DOCK3: variants seen among roughly 807,000 people sequenced by gnomAD.
DOCK3 encodes the protein dedicator of cytokinesis protein 3.
Under a neutral mutation model 265.6 loss-of-function variants are expected in DOCK3, and 60 were observed. The observed-to-expected ratio is 0.23, with a 90% CI of 0.18 to 0.28. The LOEUF (loss-of-function observed/expected upper bound fraction) is 0.28, where lower values mean the gene tolerates loss of function less well. Among genes scored for constraint, DOCK3 ranks in the 10% least tolerant of loss-of-function variants. The pLI is 1.00. For synonymous variants in DOCK3, 881 were observed against 938.0 expected (o/e 0.94, Z 1.11); for missense variants, 1,981 against 2,594.3 (o/e 0.76, Z 5.14).
At chr3:50,705,354 T>C (rs1050821930) in intron 1 of DOCK3, among the ~76,000 whole-genome samples, 1 of 152,102 alleles carries the variant, frequency 6.6e-6, no homozygotes, top group Non-Finnish European at 1.5e-5. Flanking sequence ...CCTGGGGCAG[T>C]TCCCCCTGTG....
At chr3:51,263,663 A>G (rs1037943551) in intron 23 of DOCK3, among the ~76,000 whole-genome samples, 1 of 152,234 alleles carries the variant, frequency 6.6e-6, no homozygotes, top group Non-Finnish European at 1.5e-5. Context: ...AGTGTGTTGT[A>G]TTCAGGAGAC....
At position 51,310,340 on chromosome 3, in the gene DOCK3, G is replaced by T. The variant is rs1431258692; in HGVS notation, c.3017+14G>T. The T allele has an allele frequency of 6.4e-7, 1 of 1,572,900 alleles. No homozygotes were observed. ...GCTCACAAGCAAGTAAGTATGGAAGGGCTCTGTATCAGCATCACTGAGCTG... is the reference window on the plus strand; with the variant it reads ...GCTCACAAGCAAGTAAGTATGGAAGTGCTCTGTATCAGCATCACTGAGCTG... On this transcript the variant is annotated intron_variant, in intron 28 of 52. Transcript: ENST00000266037.
At chr3:51,354,612 C>G (rs959752763) in intron 40 of DOCK3, among the ~76,000 whole-genome samples, 4 of 152,170 alleles carry the variant, frequency 2.6e-5, no homozygotes, top group African/African-American at 4.8e-5. Context: ...TCCCATCTCC[C>G]ACCTTGCTCT....
At chr3:50,770,247 G>A (rs2041191503) in intron 1 of DOCK3, among the ~76,000 whole-genome samples, 1 of 152,128 alleles carries the variant, frequency 6.6e-6, no homozygotes, top group South Asian at 2.1e-4. Context: ...GATAAATTCG[G>A]TAAAGTTGCA....
chr3:50,791,595 T>C (rs2042481915), intron 2 of DOCK3, among the ~76,000 whole-genome samples: 1 of 152,064 alleles, frequency 6.6e-6, no homozygotes, highest in African/African-American at 2.4e-5. Context: ...CTGTCTTGAG[T>C]TGATTTTTGT....
chr3:51,332,168 C>G (rs937991541), intron 33 of DOCK3, among the ~76,000 whole-genome samples: 1 of 152,190 alleles, frequency 6.6e-6, no homozygotes, highest in Non-Finnish European at 1.5e-5. Context: ...CCAGGTGACT[C>G]TCATGACCTT....
chr3:51,151,136 CTT>C (rs1291129126), intron 10 of DOCK3, among the ~76,000 whole-genome samples: 3 of 144,136 alleles, frequency 2.1e-5, no homozygotes, highest in Admixed American at 7.0e-5. Flanking sequence ...GCAACCCCTG[CTT>C]TTTTTTTTTG....
At chr3:51,013,955 G>A (rs142742797) in intron 5 of DOCK3, among the ~76,000 whole-genome samples, 3 of 152,300 alleles carry the variant, frequency 2.0e-5, no homozygotes, top group East Asian at 3.9e-4. Context: ...CTTCGTAGGC[G>A]TGGGACCCAC....
intron 22 of DOCK3, among the ~76,000 whole-genome samples, chr3:51,249,242 G>A: frequency 7.5e-6 from 1 of 134,066 alleles, no homozygotes; most frequent in Admixed American, 7.1e-5. Context: ...CTGTCCGGGA[G>A]GTGAGGGGCG....
chr3:51,168,397 T>C (rs1227822911), intron 12 of DOCK3, among the ~76,000 whole-genome samples: 1 of 152,042 alleles, frequency 6.6e-6, no homozygotes. Flanking sequence ...AACAGACACA[T>C]AGACAAATAG....
intron 1 of DOCK3, chr3:50,720,017 A>G (rs2037375697): frequency 6.9e-6 from 2 of 290,478 alleles, no homozygotes; most frequent in Non-Finnish European, 1.3e-5. Flanking sequence ...TCTGTCTTCA[A>G]GTTCACTAAT....
intron 4 of DOCK3, chr3:50,893,213 G>A (rs183160621): frequency 4.9e-5 from 13 of 264,372 alleles, no homozygotes; most frequent in Admixed American, 1.7e-4. Flanking sequence ...ATGAAGGATC[G>A]GGAATACATG....
At chr3:51,315,512 C>G (rs1466289697) in intron 32 of DOCK3, among the ~76,000 whole-genome samples, 1 of 152,126 alleles carries the variant, frequency 6.6e-6, no homozygotes, top group Non-Finnish European at 1.5e-5. Context: ...CTTCTCATGG[C>G]TCAGGGTAGC....
intron 5 of DOCK3, among the ~76,000 whole-genome samples, chr3:51,050,884 G>GT (rs1318901880): frequency 6.6e-6 from 1 of 151,986 alleles, no homozygotes; most frequent in African/African-American, 2.4e-5. Flanking sequence ...TAACCATCAC[G>GT]TATAGCATTA....
chr3:51,334,273 T>C (rs2084721627), intron 35 of DOCK3, among the ~76,000 whole-genome samples: 2 of 152,222 alleles, frequency 1.3e-5, no homozygotes, highest in African/African-American at 2.4e-5. Context: ...AGGTGATGGC[T>C]GAAGGTGCCT....
intron 1 of DOCK3, among the ~76,000 whole-genome samples, chr3:50,727,394 A>T (rs138628235): frequency 3.3e-5 from 5 of 152,300 alleles, no homozygotes; most frequent in African/African-American, 1.2e-4. Flanking sequence ...GAAAAAAGAC[A>T]TTTAATAATG....
chr3:50,864,743 A>G (rs1394638057), intron 3 of DOCK3, among the ~76,000 whole-genome samples: 2 of 151,902 alleles, frequency 1.3e-5, no homozygotes, highest in Non-Finnish European at 2.9e-5. Flanking sequence ...TTGAAAATGA[A>G]TTGGCTGTTA....
At position 51,359,496 on chromosome 3, in the gene DOCK3, G is replaced by A. The variant is rs1401621816; in HGVS notation, c.4885-1015G>A. Among the ~76,000 whole-genome samples, 4 of 152,192 alleles carry A rather than the reference G, an allele frequency of 2.6e-5. No individual in the cohort carries two copies. Among genetic ancestry groups the A allele is most frequent in the Non-Finnish European group, 5.9e-5 (4 of 68,044 alleles). On this transcript the variant is annotated intron_variant, in intron 46 of 52. Transcript: ENST00000266037. This position sits in a 1 kb window ranked among gnomAD's most constrained non-coding sequence, Gnocchi z 4.8. Reference sequence around the variant, plus strand: ...AGTTAAGAACTTGGGCAGTATCGCTGAGTCTGGTGGGTATTCATTCCACTA... The same window carrying A: ...AGTTAAGAACTTGGGCAGTATCGCTAAGTCTGGTGGGTATTCATTCCACTA...
intron 5 of DOCK3, among the ~76,000 whole-genome samples, chr3:50,995,182 C>T (rs1163038624): frequency 1.3e-5 from 2 of 152,048 alleles, no homozygotes; most frequent in African/African-American, 4.8e-5. Flanking sequence ...GAAAAATGTT[C>T]TAGTGATTAC....
Sources: gnomAD v4.1 joint callset for allele counts (sites outside exome capture counted in the v4.1 genomes callset) on GRCh38, gnomAD v4.1.1 for gene constraint, Gnocchi (gnomAD v3.1) non-coding constraint, MANE v1.5 for transcripts, NCBI Gene and HGNC (gene_info 2026-07-23, HGNC 2026-07-21) for gene names.